NRXN3: variants seen among roughly 807,000 people sequenced by gnomAD.
NRXN3 encodes neurexin 3.
In NRXN3, 32 loss-of-function variants were observed where a neutral mutation model predicts 137.6. That is an observed-to-expected ratio of 0.23 (90% CI 0.18 to 0.31). The LOEUF is 0.31. Among genes scored for constraint, NRXN3 ranks in the 10% least tolerant of loss-of-function variants. The pLI is 1.00. For missense variants in NRXN3, 1,574 were observed against 2,062.5 expected, an observed-to-expected ratio of 0.76 and a Z score of 4.59; for synonymous variants, 798 against 784.5, an observed-to-expected ratio of 1.02 and a Z score of -0.29.
At chr14:79,693,408 G>A (rs756822859) in intron 18 of NRXN3, among the ~76,000 whole-genome samples, 110 of 151,976 alleles carry the variant, frequency 7.2e-4, no homozygotes, top group Non-Finnish European at 7.5e-4. Flanking sequence ...TGTTTTTAAT[G>A]TATGTGGTCT....
intron 8 of NRXN3, among the ~76,000 whole-genome samples, chr14:78,792,916 A>G (rs1027567579): frequency 6.6e-6 from 1 of 152,224 alleles, no homozygotes; most frequent in Admixed American, 6.5e-5. Context: ...TTGTTACCAT[A>G]TAATAACAAT....
At chr14:79,173,955 T>A (rs1298485005) in intron 15 of NRXN3, among the ~76,000 whole-genome samples, 1 of 152,184 alleles carries the variant, frequency 6.6e-6, no homozygotes, top group Non-Finnish European at 1.5e-5. Context: ...GACCCAGAAG[T>A]CTCTTCTAGT....
At chr14:79,647,043 A>G (rs923487078) in intron 16 of NRXN3, among the ~76,000 whole-genome samples, 2 of 135,350 alleles carry the variant, frequency 1.5e-5, no homozygotes, top group Non-Finnish European at 3.4e-5. Flanking sequence ...TCTCCCATCC[A>G]ACTCCACAAG....
chr14:79,259,352 T>C (rs2077217134), intron 15 of NRXN3, among the ~76,000 whole-genome samples: 1 of 152,128 alleles, frequency 6.6e-6, no homozygotes. Context: ...TCCTACCTTC[T>C]GTTTCACATG....
intron 15 of NRXN3, among the ~76,000 whole-genome samples, chr14:79,296,809 A>G (rs907863110): frequency 4.6e-5 from 7 of 152,222 alleles, no homozygotes; most frequent in Admixed American, 2.6e-4. Flanking sequence ...GATAAAACAA[A>G]AGCAAATAAA....
chr14:79,489,871 C>T (rs2096696747), intron 16 of NRXN3, among the ~76,000 whole-genome samples: 1 of 151,886 alleles, frequency 6.6e-6, no homozygotes, highest in East Asian at 1.9e-4. Flanking sequence ...AACTCCACCT[C>T]TACTAAAAAT....
At chr14:78,648,394 T>G (rs1300428428) in intron 5 of NRXN3, among the ~76,000 whole-genome samples, 1 of 152,228 alleles carries the variant, frequency 6.6e-6, no homozygotes, top group East Asian at 1.9e-4. Context: ...CAGTCTTCCC[T>G]GCTATCCATA....
chr14:78,788,067 G>T (rs1214502535), intron 8 of NRXN3, among the ~76,000 whole-genome samples: 1 of 152,040 alleles, frequency 6.6e-6, no homozygotes, highest in Non-Finnish European at 1.5e-5. Context: ...TTTAAATATG[G>T]TTCAAGATTT....
chr14:79,075,975 G>A (rs978417401), intron 15 of NRXN3, among the ~76,000 whole-genome samples: 1 of 152,192 alleles, frequency 6.6e-6, no homozygotes, highest in African/African-American at 2.4e-5. Context: ...GGTCTGCAGA[G>A]CCTTTTTTAG....
intron 16 of NRXN3, among the ~76,000 whole-genome samples, chr14:79,635,010 G>T (rs1180673048): frequency 6.6e-6 from 1 of 152,190 alleles, no homozygotes; most frequent in Non-Finnish European, 1.5e-5. Flanking sequence ...CTGTTGCACA[G>T]TAGGGTAACT....
chr14:79,100,091 G>T (rs540383808), intron 15 of NRXN3, among the ~76,000 whole-genome samples: 3 of 152,242 alleles, frequency 2.0e-5, no homozygotes, highest in Non-Finnish European at 2.9e-5. Context: ...ACCATACCAG[G>T]GTATTTTATT....
At chr14:79,307,971 G>A (rs1007808356) in intron 15 of NRXN3, among the ~76,000 whole-genome samples, 1 of 152,040 alleles carries the variant, frequency 6.6e-6, no homozygotes. Flanking sequence ...TGTTTTCTCT[G>A]AGGCCTCTGT....
intron 19 of NRXN3, among the ~76,000 whole-genome samples, chr14:79,720,847 T>A (rs1255386373): frequency 6.6e-6 from 1 of 152,010 alleles, no homozygotes; most frequent in Non-Finnish European, 1.5e-5. Context: ...GGGAATAATA[T>A]TAAAATGAAT....
At chr14:79,250,766 G>A (rs2075814024) in intron 15 of NRXN3, among the ~76,000 whole-genome samples, 1 of 152,170 alleles carries the variant, frequency 6.6e-6, no homozygotes. Context: ...ACAGGACAGA[G>A]AAACTCTAAT....
At position 79,644,111 on chromosome 14, in the gene NRXN3, C is replaced by T. The variant is rs2098444110; in HGVS notation, c.3445-19667C>T. Among the ~76,000 whole-genome samples the T allele has an allele frequency of 1.5e-5, 2 of 134,698 alleles. 1 individual carries two copies. Among genetic ancestry groups the T allele is most frequent in the Non-Finnish European group, 3.5e-5 (2 of 57,934 alleles). 88.4% of individuals were successfully genotyped at this position (134,698 alleles called of 152,430 possible). A position where few individuals can be genotyped will look rare whatever the true frequency, so the allele number is the denominator to read the frequency against. On this transcript the variant is annotated intron_variant, in intron 16 of 20. Transcript: ENST00000335750. The stretch of plus-strand genomic sequence containing the variant: ...GTATTTATCCAAATCAACCCAATGC[C>T]CTATATTTTGGGACAATTACCCTTG...
In NRXN3 at chr14:79,861,347, A is replaced by G. The variant is rs1168493019; in HGVS notation, c.4099A>G (p.Ser1367Gly). 7 of 1,536,112 alleles carry G rather than the reference A, an allele frequency of 4.6e-6. No homozygotes were observed. The highest frequency in any genetic ancestry group is 6.1e-6 in the Non-Finnish European group (7 of 1,146,908). The stretch of plus-strand genomic sequence containing the variant: ...CACCTTCTCCTTGGTAACAGATAAG[A>G]GTCTTTCCACTTCAATCTTCGAAGG... ...FVECEPSTDK[S>G]LSTSIFEGGY... Residue 1367 changes from serine (S) to glycine (G), a missense_variant, in exon 21 of 21, where the codon AGT (serine) becomes GGT (glycine). This residue lies in a region of NRXN3 where 320 missense variants were observed against 387.1 expected (regional missense o/e 0.83). Transcript: ENST00000335750. The surrounding 1 kb of genome is among the most constrained non-coding windows in gnomAD (Gnocchi z 5.4).
chr14:79,495,203 A>C (rs1189040585), intron 16 of NRXN3, among the ~76,000 whole-genome samples: 2 of 152,192 alleles, frequency 1.3e-5, no homozygotes, highest in Non-Finnish European at 2.9e-5. Flanking sequence ...CTTGTCATTG[A>C]TTCTGCTTTG....
chr14:79,299,581 ATGGCCAT>A (rs1168610530), intron 15 of NRXN3, among the ~76,000 whole-genome samples: 1 of 152,102 alleles, frequency 6.6e-6, no homozygotes, highest in Non-Finnish European at 1.5e-5. Context: ...TGTTATGAAA[ATGGCCAT>A]TATAAAACCT....
At chr14:78,730,074 A>G (rs1165043399) in intron 8 of NRXN3, among the ~76,000 whole-genome samples, 4 of 152,182 alleles carry the variant, frequency 2.6e-5, no homozygotes, top group African/African-American at 9.6e-5. Flanking sequence ...AAGCTCCCCT[A>G]GGCTGGGGCC....
Sources: allele counts gnomAD v4.1 joint callset (sites outside exome capture counted in the v4.1 genomes callset), GRCh38; gene constraint gnomAD v4.1.1; regional missense constraint gnomAD v4.1.1; non-coding constraint Gnocchi (gnomAD v3.1); transcripts MANE v1.5; gene names NCBI Gene and HGNC (gene_info 2026-07-23, HGNC 2026-07-21).